CPLX4: variants seen among roughly 807,000 people sequenced by gnomAD.
CPLX4 encodes the protein complexin 4.
A neutral mutation model predicts 16.1 loss-of-function variants in CPLX4; 17 were observed. The ratio of observed to expected loss-of-function variants is 1.06; its 90% CI spans 0.72 to 1.59. The LOEUF is 1.59. Ranked by LOEUF, CPLX4 falls within the 40% of genes most tolerant of loss-of-function variation. The pLI is 0.00. For synonymous variants in CPLX4, 55 were observed against 57.8 expected (o/e 0.95, Z 0.22); for missense variants, 193 against 192.9 (o/e 1.00, Z 0.00).
At chr18:59,303,763 C>T (rs2070557250) in intron 2 of CPLX4, among the ~76,000 whole-genome samples, 1 of 152,186 alleles carries the variant, frequency 6.6e-6, no homozygotes, top group South Asian at 2.1e-4. Context: ...CACTAGTGTC[C>T]AGTGACTGCT....
At chr18:59,301,317 C>T (rs562672516) in intron 2 of CPLX4, among the ~76,000 whole-genome samples, 143 of 152,186 alleles carry the variant, frequency 9.4e-4, no homozygotes, top group Non-Finnish European at 1.7e-3. Flanking sequence ...AGAAGAGAGA[C>T]CAAGAGAGCC....
chr18:59,306,276 G>A (rs369267898), intron 2 of CPLX4, among the ~76,000 whole-genome samples: 16 of 152,184 alleles, frequency 1.1e-4, no homozygotes, highest in African/African-American at 3.9e-4. Context: ...CATCATGGAT[G>A]ACTTTAGGCA....
Position 59,318,506 on chromosome 18 carries a change from T to A in CPLX4, c.-44A>T. The A allele has an allele frequency of 6.4e-7, 1 of 1,555,860 alleles. No individual in the cohort carries two copies. The highest frequency in any genetic ancestry group is 8.6e-7 in the Non-Finnish European group (1 of 1,158,386). On this transcript the variant is annotated 5_prime_UTR_variant, in exon 1 of 3. Coordinates refer to ENST00000299721, the MANE Select transcript of CPLX4 (RefSeq NM_181654.4). ...ATAAAACCAAAATTCAGACAAAAGC[T>A]GAAAAAAAAAATCCAAACAAACCCA...
intron 2 of CPLX4, among the ~76,000 whole-genome samples, chr18:59,303,777 C>T (rs2144182639): frequency 6.6e-6 from 1 of 152,344 alleles, no homozygotes; most frequent in South Asian, 2.1e-4. Flanking sequence ...GACTGCTTCC[C>T]ATCCCCATGC....
At chr18:59,305,034 T>A (rs1222430199) in intron 2 of CPLX4, among the ~76,000 whole-genome samples, 2 of 151,878 alleles carry the variant, frequency 1.3e-5, no homozygotes, top group Admixed American at 6.6e-5. Flanking sequence ...GGTCCCTTTT[T>A]AAAAGGAGCA....
At chr18:59,315,109 A>C (rs1373740480) in intron 1 of CPLX4, among the ~76,000 whole-genome samples, 3 of 152,218 alleles carry the variant, frequency 2.0e-5, no homozygotes, top group African/African-American at 7.2e-5. Context: ...CCTTTCTCCA[A>C]AATGGTCATA....
At chr18:59,311,076 A>G (rs925898259) in intron 2 of CPLX4, among the ~76,000 whole-genome samples, 21 of 151,964 alleles carry the variant, frequency 1.4e-4, no homozygotes, top group Admixed American at 4.6e-4. Flanking sequence ...GCGCAGTAGC[A>G]TGAATCCGAC....
intron 1 of CPLX4, among the ~76,000 whole-genome samples, chr18:59,314,010 A>T (rs1387069488): frequency 1.3e-5 from 2 of 152,186 alleles, no homozygotes; most frequent in Non-Finnish European, 2.9e-5. Flanking sequence ...AAATAATCTT[A>T]ACCATTATAC....
In CPLX4 at chr18:59,305,583, C is replaced by T. The variant is rs1028736083; in HGVS notation, c.255+7102G>A. On this transcript the variant is annotated intron_variant, in intron 2 of 2. Coordinates refer to ENST00000299721, the MANE Select transcript of CPLX4 (RefSeq NM_181654.4). ...CCAGCCTGGGAGATGATGGGCTTGT[C>T]GGGAGAGCCACCCATGGAAGTGGAG... Among the ~76,000 whole-genome samples the T allele has an allele frequency of 5.3e-5, 8 of 152,126 alleles. No individual in the cohort carries two copies. In the East Asian group the frequency reaches 5.8e-4, roughly 11 times the overall value.
chr18:59,305,076 A>G (rs1303484377), intron 2 of CPLX4, among the ~76,000 whole-genome samples: 1 of 152,062 alleles, frequency 6.6e-6, no homozygotes, highest in East Asian at 1.9e-4. Flanking sequence ...GGGTCATAAG[A>G]TGATGTAGGA....
chr18:59,298,643 T>A (rs535086903), intron 2 of CPLX4, among the ~76,000 whole-genome samples: 80 of 151,086 alleles, frequency 5.3e-4, no homozygotes, highest in African/African-American at 1.8e-3. Flanking sequence ...TAAAGAGAGA[T>A]CTGAATTCTC....
intron 2 of CPLX4, among the ~76,000 whole-genome samples, 184 bp downstream of exon 2, chr18:59,312,501 G>A (rs2070623980): frequency 1.4e-5 from 2 of 143,910 alleles, no homozygotes; most frequent in African/African-American, 5.1e-5. Context: ...TATATATCCT[G>A]AATATATATA....
intron 1 of CPLX4, among the ~76,000 whole-genome samples, chr18:59,315,847 G>T (rs139843131): frequency 6.6e-6 from 1 of 152,098 alleles, no homozygotes; most frequent in South Asian, 2.1e-4. Flanking sequence ...CCCATTGATC[G>T]ATTTGTTGAT....
chr18:59,296,394 T>G lies in CPLX4; in HGVS notation c.*304A>C, dbSNP rs1013624276. The G allele has an allele frequency of 5.5e-6, 2 of 362,504 alleles. No homozygotes were observed. The highest frequency in any genetic ancestry group is 7.3e-5 in the East Asian group (1 of 13,624). 22.5% of individuals were successfully genotyped at this position (362,504 alleles called of 1,614,324 possible). A position where few individuals can be genotyped will look rare whatever the true frequency, so the allele number is the denominator to read the frequency against. The stretch of plus-strand genomic sequence containing the variant: ...AGTTGGAGAGGAAATGCCCCTTGCT[T>G]TTGTTTCTTCCTGGCTCATCTCAAG... On this transcript the variant is annotated 3_prime_UTR_variant, in exon 3 of 3. Transcript: ENST00000299721.
At chr18:59,300,369 T>C (rs146045703) in intron 2 of CPLX4, among the ~76,000 whole-genome samples, 9 of 152,290 alleles carry the variant, frequency 5.9e-5, no homozygotes, top group Non-Finnish European at 1.3e-4. Context: ...TTAAAATAAA[T>C]GTTTACTGAA....
intron 2 of CPLX4, among the ~76,000 whole-genome samples, chr18:59,298,093 ATTT>A (rs200060703): frequency 0.059 from 8,317 of 141,458 alleles, 580 homozygotes; most frequent in East Asian, 0.26. Flanking sequence ...AGATTCCTTT[ATTT>A]TTTTTTTTTT....
At chr18:59,317,697 T>C (rs747121410) in intron 1 of CPLX4, among the ~76,000 whole-genome samples, 17 of 152,122 alleles carry the variant, frequency 1.1e-4, no homozygotes, top group Non-Finnish European at 1.9e-4. Context: ...TATATGTGGG[T>C]ATTTGTCCTA....
At chr18:59,300,795 G>A (rs1277967324) in intron 2 of CPLX4, among the ~76,000 whole-genome samples, 1 of 152,178 alleles carries the variant, frequency 6.6e-6, no homozygotes, top group Non-Finnish European at 1.5e-5. Flanking sequence ...CTGTCAGGAG[G>A]CTGTGATGTC....
Position 59,318,421 on chromosome 18 carries a change from C to T in CPLX4, c.42G>A (p.Lys14=), listed in dbSNP as rs750400003. The T allele has an allele frequency of 3.1e-6, 5 of 1,613,566 alleles. No individual in the cohort carries two copies. Among genetic ancestry groups the T allele is most frequent in the East Asian group, 2.2e-5 (1 of 44,890 alleles). ...CAGACCCACCACCAAATCCTAAATT[C>T]TTTACCTGGTTACTTATCATACTTT... is the stretch of plus-strand genomic sequence containing the variant. ...LMKSMISNQV[K]NLGFGGGSEE... is the part of the protein sequence containing the mutation. The change falls in exon 1 of 3, where the codon AAG becomes AAA. Residue 14 remains lysine (K), a synonymous_variant. Coordinates refer to ENST00000299721, the MANE Select transcript of CPLX4 (RefSeq NM_181654.4).
Sources: gnomAD v4.1 joint callset for allele counts (sites outside exome capture counted in the v4.1 genomes callset) on GRCh38, gnomAD v4.1.1 for gene constraint, MANE v1.5 for transcripts, NCBI Gene and HGNC (gene_info 2026-07-23, HGNC 2026-07-21) for gene names.